BASP1: variants seen among roughly 807,000 people sequenced by gnomAD.
BASP1 encodes the protein brain abundant membrane attached signal protein 1, also known as brain acid soluble protein 1.
BASP1 carries 1 observed loss-of-function variant against 2.2 expected under a neutral mutation model. The observed-to-expected ratio is 0.46, with a 90% CI of 0.16 to 2.17. BASP1 has a LOEUF of 2.17. Among genes scored for constraint, BASP1 ranks in the 30% most tolerant of loss-of-function variants. The probability of loss-of-function intolerance (pLI) is 0.27; values close to 1 mark genes in which losing one functional copy is unlikely to be tolerated. For synonymous variants in BASP1, 187 were observed against 154.2 expected (o/e 1.21, Z -1.58); for missense variants, 352 against 327.2 (o/e 1.08, Z -0.58).
At chr5:17,241,168 C>T (rs928177069) in intron 1 of BASP1, among the ~76,000 whole-genome samples, 4 of 150,322 alleles carry the variant, frequency 2.7e-5, no homozygotes, top group African/African-American at 7.4e-5. Context: ...GATGTGATCT[C>T]GCCTCACTGC....
rs1217149957 is a variant in BASP1 at position 17,275,556 on chromosome 5, G to A, written c.340G>A (p.Ala114Thr). ...PEQEQAAPGP[A>T]AGGEAPKAAE... ...GCAGGAGCAGGCGGCCCCCGGCCCC[G>A]CTGCGGGCGGCGAGGCCCCCAAAGC... The change falls in exon 2 of 2, where the codon GCT becomes ACT. Residue 114 changes from alanine to threonine, a missense_variant. Transcript: ENST00000322611. This position sits in a 1 kb window ranked among gnomAD's most constrained non-coding sequence, Gnocchi z 5.3. 27 of 1,394,176 alleles carry A rather than the reference G, an allele frequency of 1.9e-5. No homozygotes were observed. In the South Asian group the frequency reaches 2.1e-4, roughly 11 times the overall value. 86.4% of individuals were successfully genotyped at this position (1,394,176 alleles called of 1,614,324 possible). A position where few individuals can be genotyped will look rare whatever the true frequency, so the allele number is the denominator to read the frequency against.
intron 1 of BASP1, among the ~76,000 whole-genome samples, chr5:17,252,036 C>T (rs145042982): frequency 4.0e-4 from 61 of 152,066 alleles, no homozygotes; most frequent in African/African-American, 1.4e-3. Context: ...AATTGGTGAG[C>T]GCCAAGGATG....
chr5:17,241,805 AC>A (rs984752640), intron 1 of BASP1, among the ~76,000 whole-genome samples: 1 of 152,212 alleles, frequency 6.6e-6, no homozygotes, highest in African/African-American at 2.4e-5. Flanking sequence ...GTTCACAGGA[AC>A]AAAACAGAAG....
chr5:17,254,260 T>C (rs573953971), intron 1 of BASP1, among the ~76,000 whole-genome samples: 5 of 152,328 alleles, frequency 3.3e-5, no homozygotes, highest in African/African-American at 1.2e-4. Context: ...AAAACAAATA[T>C]CTGCTAACAT....
intron 1 of BASP1, among the ~76,000 whole-genome samples, chr5:17,245,091 C>T (rs975281578): frequency 6.6e-6 from 1 of 151,026 alleles, no homozygotes; most frequent in African/African-American, 2.4e-5. Context: ...ATCTTGAGGT[C>T]AGGAGTTCAA....
intron 1 of BASP1, chr5:17,240,471 G>T (rs895371669): frequency 5.3e-5 from 8 of 152,212 alleles, no homozygotes; most frequent in African/African-American, 1.4e-4. Context: ...GGGAGGCAGA[G>T]GTTGAAGTGA....
chr5:17,231,186 C>G (rs1224816184), intron 1 of BASP1, among the ~76,000 whole-genome samples: 1 of 152,190 alleles, frequency 6.6e-6, no homozygotes, highest in East Asian at 1.9e-4. Context: ...TATGCAGTGT[C>G]TATTTTCAAT....
At chr5:17,273,457 T>G (rs975761013) in intron 1 of BASP1, among the ~76,000 whole-genome samples, 2 of 152,164 alleles carry the variant, frequency 1.3e-5, no homozygotes, top group Non-Finnish European at 2.9e-5. Flanking sequence ...TTCTTGAGAA[T>G]ATGAATAGTA....
At chr5:17,253,577 T>G (rs528684292) in intron 1 of BASP1, among the ~76,000 whole-genome samples, 2 of 152,350 alleles carry the variant, frequency 1.3e-5, no homozygotes, top group South Asian at 4.1e-4. Context: ...TGACATTAGA[T>G]TCCCCACTTT....
At position 17,276,020 on chromosome 5, in the gene BASP1, T is replaced by C; in HGVS notation, c.*120T>C. 1 of 840,536 alleles carries C rather than the reference T, an allele frequency of 1.2e-6. No individual in the cohort carries two copies. The highest frequency in any genetic ancestry group is 1.7e-6 in the Non-Finnish European group (1 of 584,930). 52.1% of individuals were successfully genotyped at this position (840,536 alleles called of 1,614,324 possible). On this transcript the variant is annotated 3_prime_UTR_variant, in exon 2 of 2. Transcript: ENST00000322611. ...TCTCTCCTCTCCTATCTCTCCTCTC[T>C]CTCTCTCCTATACTAACTTGTTTCA...
At chr5:17,240,074 A>C (rs191715448) in intron 1 of BASP1, among the ~76,000 whole-genome samples, 83 of 152,086 alleles carry the variant, frequency 5.5e-4, no homozygotes, top group African/African-American at 1.9e-3. Flanking sequence ...TGATTATTCC[A>C]CCTTCACTAA....
chr5:17,219,648 G>A (rs1739353332), intron 1 of BASP1, among the ~76,000 whole-genome samples: 1 of 152,130 alleles, frequency 6.6e-6, no homozygotes, highest in African/African-American at 2.4e-5. Flanking sequence ...AACTGTCAGT[G>A]GGCGTTGCCT....
Position 17,244,083 on chromosome 5 carries a change from G to A in BASP1, c.-10+26273G>A, listed in dbSNP as rs574579990. The stretch of plus-strand genomic sequence containing the variant: ...TGGAAGATAACTTTTAATTTGGTGA[G>A]ATTCTATACATGAACATATTTCCAA... On this transcript the variant is annotated intron_variant, in intron 1 of 1. Coordinates refer to ENST00000322611, the MANE Select transcript of BASP1 (RefSeq NM_006317.5). 2.0e-4 allele frequency among the ~76,000 whole-genome samples: 31 copies of A among 152,304 alleles called. 1 individual carries two copies. The South Asian group carries it at 6.4e-3, about 32-fold the overall frequency.
At position 17,251,736 on chromosome 5, in the gene BASP1, T is replaced by C. The variant is rs1169576964; in HGVS notation, c.-9-23472T>C. 6.6e-6 allele frequency among the ~76,000 whole-genome samples: 1 copy of C among 152,172 alleles called. No individual in the cohort carries two copies. Among genetic ancestry groups the C allele is most frequent in the Non-Finnish European group, 1.5e-5 (1 of 68,028 alleles). ...GTGGTGAAAGTTGGTCCAGAAAGAC[T>C]CCCACATTTCTGGCTGGGCGATGGG... On this transcript the variant is annotated intron_variant, in intron 1 of 1. Transcript: ENST00000322611. This position sits in a 1 kb window ranked among gnomAD's most constrained non-coding sequence, Gnocchi z 4.0.
chr5:17,264,806 G>T (rs1249914710), intron 1 of BASP1, among the ~76,000 whole-genome samples: 2 of 152,074 alleles, frequency 1.3e-5, no homozygotes, highest in African/African-American at 2.4e-5. Context: ...ACTTTATTCT[G>T]CTGGTTCTAG....
At chr5:17,233,286 A>T (rs1051382107) in intron 1 of BASP1, among the ~76,000 whole-genome samples, 1 of 152,208 alleles carries the variant, frequency 6.6e-6, no homozygotes, top group African/African-American at 2.4e-5. Context: ...AACACTTGGC[A>T]CTTTATTAAA....
At chr5:17,217,965 C>T (rs2126482428) in intron 1 of BASP1, among the ~76,000 whole-genome samples, 155 bp downstream of exon 1, 1 of 152,020 alleles carries the variant, frequency 6.6e-6, no homozygotes, top group East Asian at 2.0e-4. Context: ...GCCTGGGGTC[C>T]CTCTGTGAGG....
intron 1 of BASP1, among the ~76,000 whole-genome samples, chr5:17,274,138 C>T (rs968470780): frequency 1.3e-4 from 20 of 152,130 alleles, no homozygotes; most frequent in Admixed American, 1.2e-3. Context: ...AGAATGAAAG[C>T]GGCAGCCTTA....
At chr5:17,265,294 C>A (rs1222958738) in intron 1 of BASP1, among the ~76,000 whole-genome samples, 1 of 152,046 alleles carries the variant, frequency 6.6e-6, no homozygotes, top group East Asian at 1.9e-4. Context: ...ATTTTTCATC[C>A]AAAAACCATA....
Sources: gnomAD v4.1 joint callset for allele counts (sites outside exome capture counted in the v4.1 genomes callset) on GRCh38, gnomAD v4.1.1 for gene constraint, Gnocchi (gnomAD v3.1) non-coding constraint, MANE v1.5 for transcripts, NCBI Gene and HGNC (gene_info 2026-07-23, HGNC 2026-07-21) for gene names.